The following CNGA1 variants were observed in gnomAD, a reference collection of about 807,000 sequenced individuals.
CNGA1 encodes cyclic nucleotide-gated channel alpha-1.
In CNGA1, 53 loss-of-function variants were observed where a neutral mutation model predicts 69.7. The ratio of observed to expected loss-of-function variants is 0.76; its 90% CI spans 0.61 to 0.96. The LOEUF is 0.96. Ranked by LOEUF, CNGA1 falls within the 40% of genes least tolerant of loss-of-function variation. The probability of loss-of-function intolerance (pLI) is 0.00; values close to 1 mark genes in which losing one functional copy is unlikely to be tolerated. For synonymous variants in CNGA1, 249 were observed against 283.5 expected (o/e 0.88, Z 1.22); for missense variants, 739 against 811.2 (o/e 0.91, Z 1.08).
chr4:47,994,848 TAGC>T (rs1365346494), intron 2 of CNGA1, among the ~76,000 whole-genome samples: 1 of 152,212 alleles, frequency 6.6e-6, no homozygotes, highest in Non-Finnish European at 1.5e-5. Context: ...GAGCTCTTTT[TAGC>T]AGTTCTTGTA....
chr4:47,972,829 T>C (rs1010298332), intron 3 of CNGA1, among the ~76,000 whole-genome samples: 1 of 152,200 alleles, frequency 6.6e-6, no homozygotes, highest in Non-Finnish European at 1.5e-5. Context: ...TAACTACAAT[T>C]TAATTTTACC....
chr4:47,940,874 A>G lies in CNGA1; in HGVS notation c.546-5T>C. ...TGAAGTTCATCAAAACATGCTCTAT[A>G]AAAAAAGAAACACTTGTATAAATAA... On this transcript the variant is annotated splice_region_variant and splice_polypyrimidine_tract_variant and intron_variant, in intron 9 of 10. Coordinates refer to ENST00000514170, the MANE Select transcript of CNGA1 (RefSeq NM_001379270.1). 2 of 1,569,350 alleles carry G rather than the reference A, an allele frequency of 1.3e-6. No homozygotes were observed. The highest frequency in any genetic ancestry group is 2.3e-5 in the South Asian group (2 of 88,496).
In CNGA1 at chr4:47,936,647, G is replaced by T; in HGVS notation, c.1835C>A (p.Ala612Asp). The change falls in exon 11 of 11, where the codon GCT becomes GAT. Residue 612 changes from alanine to aspartate, a missense_variant. Physicochemically the swap from Ala to Asp is moderately radical, Grantham distance 126. Coordinates refer to ENST00000514170, the MANE Select transcript of CNGA1 (RefSeq NM_001379270.1). ...TTCAAGATCTTTAGGATCACTGCCAGCATTTGCAATGTTTAGATCCAGTAG... is the reference window on the plus strand; with the variant it reads ...TTCAAGATCTTTAGGATCACTGCCATCATTTGCAATGTTTAGATCCAGTAG... ...DGLLDLNIAN[A>D]GSDPKDLEEK... 1 of 1,614,072 alleles carries T rather than the reference G, an allele frequency of 6.2e-7. No homozygotes were observed. Among genetic ancestry groups the T allele is most frequent in the Non-Finnish European group, 8.5e-7 (1 of 1,180,000 alleles).
At chr4:47,988,629 A>G (rs1742093602) in intron 2 of CNGA1, among the ~76,000 whole-genome samples, 1 of 152,150 alleles carries the variant, frequency 6.6e-6, no homozygotes, top group South Asian at 2.1e-4. Context: ...CCAGGACTCA[A>G]TGATATTATA....
chr4:47,957,170 A>G (rs996672184), intron 3 of CNGA1, among the ~76,000 whole-genome samples: 2 of 152,144 alleles, frequency 1.3e-5, no homozygotes, highest in Middle Eastern at 3.4e-3. Context: ...TCCTGACCTT[A>G]GGTGATCCAC....
chr4:47,989,152 AC>A (rs1353105651), intron 2 of CNGA1, among the ~76,000 whole-genome samples: 1 of 152,160 alleles, frequency 6.6e-6, no homozygotes, highest in Non-Finnish European at 1.5e-5. Flanking sequence ...AGGTCAAGTT[AC>A]GTCCTTCATG....
chr4:47,949,857 A>G lies in CNGA1; in HGVS notation c.263T>C (p.Val88Ala). Reference sequence around the variant, plus strand: ...CTGGTCCTTATTGCTGCTGTTGTTCACATTAAAAAGTGCAATGGCACCAGG... The same window carrying G: ...CTGGTCCTTATTGCTGCTGTTGTTCGCATTAAAAAGTGCAATGGCACCAGG... ...YLPGAIALFN[V>A]NNSSNKDQEP... Residue 88 changes from valine to alanine, a missense_variant, in exon 6 of 11, where the codon GTG becomes GCG. Val to Ala is a moderately conservative substitution (Grantham distance 64, BLOSUM62 0). Coordinates refer to ENST00000514170, the MANE Select transcript of CNGA1 (RefSeq NM_001379270.1). The G allele has an allele frequency of 1.2e-6, 2 of 1,614,084 alleles. No homozygotes were observed. Among genetic ancestry groups the G allele is most frequent in the Non-Finnish European group, 1.7e-6 (2 of 1,179,994 alleles).
intron 3 of CNGA1, among the ~76,000 whole-genome samples, chr4:47,967,799 A>C (rs1471308482): frequency 6.6e-6 from 1 of 152,178 alleles, no homozygotes; most frequent in East Asian, 1.9e-4. Flanking sequence ...TAACACAGTG[A>C]AACCCCGTCT....
chr4:47,962,229 A>G (rs1280093456), intron 3 of CNGA1, among the ~76,000 whole-genome samples: 1 of 151,946 alleles, frequency 6.6e-6, no homozygotes, highest in Non-Finnish European at 1.5e-5. Context: ...CTGTAATCCC[A>G]GCTACTCGGG....
At chr4:47,937,878 T>G (rs1211043362) in intron 10 of CNGA1, 49 bp from the exon 11 acceptor site, 1 of 1,354,906 alleles carries the variant, frequency 7.4e-7, no homozygotes, top group African/African-American at 1.4e-5. Flanking sequence ...TTTATGTCAT[T>G]GTGAATTTTT....
At chr4:47,983,745 G>C (rs1003017621) in intron 2 of CNGA1, among the ~76,000 whole-genome samples, 3 of 152,104 alleles carry the variant, frequency 2.0e-5, no homozygotes, top group Non-Finnish European at 2.9e-5. Flanking sequence ...GACACACAAA[G>C]AAATTATCAA....
At chr4:47,994,596 CAGTT>C (rs1389955039) in intron 2 of CNGA1, among the ~76,000 whole-genome samples, 17 of 152,192 alleles carry the variant, frequency 1.1e-4, no homozygotes, top group East Asian at 1.9e-4. Context: ...AGGCAACAGA[CAGTT>C]GGTTGGTGAA....
chr4:47,943,911 G>C (rs989345686), intron 6 of CNGA1, among the ~76,000 whole-genome samples: 1 of 152,118 alleles, frequency 6.6e-6, no homozygotes, highest in African/African-American at 2.4e-5. Flanking sequence ...TCAGTTATTA[G>C]AATAATTTAC....
chr4:47,965,937 C>T (rs1740702527), intron 3 of CNGA1, among the ~76,000 whole-genome samples: 1 of 151,814 alleles, frequency 6.6e-6, no homozygotes, highest in African/African-American at 2.4e-5. Context: ...AAAAAATATT[C>T]TTTTAGGGAC....
chr4:47,949,754 C>T (rs1187166466), intron 6 of CNGA1, 79 bp downstream of exon 6: 5 of 1,012,240 alleles, frequency 4.9e-6, no homozygotes, highest in Non-Finnish European at 7.8e-6. Flanking sequence ...TCCTCTATAA[C>T]AGATTCAGAT....
chr4:48,015,306 T>C (rs1270322845), intron 1 of CNGA1, among the ~76,000 whole-genome samples: 1 of 152,200 alleles, frequency 6.6e-6, no homozygotes, highest in East Asian at 1.9e-4. Flanking sequence ...CTCTCCGTGG[T>C]GTTCCTTCTC....
At chr4:48,005,030 T>C (rs1468478571) in intron 2 of CNGA1, among the ~76,000 whole-genome samples, 1 of 152,226 alleles carries the variant, frequency 6.6e-6, no homozygotes, top group Non-Finnish European at 1.5e-5. Flanking sequence ...ACTATAGTTT[T>C]TGAAACATAA....
At chr4:48,003,530 A>T (rs575952274) in intron 2 of CNGA1, among the ~76,000 whole-genome samples, 110 of 152,350 alleles carry the variant, frequency 7.2e-4, no homozygotes, top group African/African-American at 2.5e-3. Flanking sequence ...CAGTATAATA[A>T]AATATAAAAT....
At chr4:47,938,928 A>AAG (rs941687691) in intron 10 of CNGA1, among the ~76,000 whole-genome samples, 8 of 150,730 alleles carry the variant, frequency 5.3e-5, no homozygotes, top group East Asian at 3.9e-4. Context: ...GAAAGAAAGA[A>AAG]AGAGAGAGAG....
Sources: gnomAD v4.1 joint callset for allele counts (sites outside exome capture counted in the v4.1 genomes callset) on GRCh38, gnomAD v4.1.1 for gene constraint, MANE v1.5 for transcripts, NCBI Gene and HGNC (gene_info 2026-07-23, HGNC 2026-07-21) for gene names.